The following FAT1 variants were observed in gnomAD, a reference collection of about 807,000 sequenced individuals.
FAT1 encodes FAT atypical cadherin 1.
In FAT1, 171 loss-of-function variants were observed where a neutral mutation model predicts 329.8. That is an observed-to-expected ratio of 0.52 (90% CI 0.46 to 0.59). The LOEUF is 0.59. FAT1 is among the 20% of genes least tolerant of loss of function. The pLI is 0.00. For synonymous variants in FAT1, 2,233 were observed against 2,228.6 expected (o/e 1.00, Z -0.06); for missense variants, 5,672 against 5,774.4 (o/e 0.98, Z 0.57).
chr4:186,603,077 C>T (rs1459939427), intron 19 of FAT1, 43 bp from the exon 20 acceptor site: 3 of 1,612,744 alleles, frequency 1.9e-6, no homozygotes, highest in Admixed American at 3.3e-5. Context: ...AATTAACAGA[C>T]ATTTCAAGAA....
chr4:186,631,189 A>G (rs556513728), intron 7 of FAT1, among the ~76,000 whole-genome samples: 6 of 152,126 alleles, frequency 3.9e-5, no homozygotes, highest in African/African-American at 1.4e-4. Context: ...CCAAGCCCCA[A>G]TCCATCCCCG....
chr4:186,714,715 C>A (rs1335727099), intron 1 of FAT1, among the ~76,000 whole-genome samples: 1 of 152,184 alleles, frequency 6.6e-6, no homozygotes, highest in Non-Finnish European at 1.5e-5. Context: ...TGATAAGAAA[C>A]AGTGAGTAAA....
intron 2 of FAT1, among the ~76,000 whole-genome samples, chr4:186,674,786 C>T (rs1320730445): frequency 6.6e-6 from 1 of 152,202 alleles, no homozygotes; most frequent in Non-Finnish European, 1.5e-5. Flanking sequence ...GTAATCCCAA[C>T]ACTTTGGAAG....
At chr4:186,653,687 GA>G (rs1341773489) in intron 3 of FAT1, among the ~76,000 whole-genome samples, 2 of 152,110 alleles carry the variant, frequency 1.3e-5, no homozygotes, top group Non-Finnish European at 2.9e-5. Context: ...GAAAAGGGCA[GA>G]AAATTCAAAT....
chr4:186,691,267 C>T (rs980705675), intron 2 of FAT1, among the ~76,000 whole-genome samples: 1 of 152,120 alleles, frequency 6.6e-6, no homozygotes, highest in South Asian at 2.1e-4. Flanking sequence ...CAGAGTACAC[C>T]GTGCTGATTA....
At chr4:186,704,329 C>T (rs1398305389) in intron 2 of FAT1, among the ~76,000 whole-genome samples, 1 of 152,142 alleles carries the variant, frequency 6.6e-6, no homozygotes, top group Non-Finnish European at 1.5e-5. Context: ...GACACCACCT[C>T]GTTTGGCTGG....
chr4:186,717,952 A>C (rs1332966193), intron 1 of FAT1, among the ~76,000 whole-genome samples: 1 of 152,138 alleles, frequency 6.6e-6, no homozygotes, highest in Non-Finnish European at 1.5e-5. Context: ...CATCTCATCT[A>C]ATGTATTTTT....
At chr4:186,668,385 G>A (rs887282536) in intron 2 of FAT1, among the ~76,000 whole-genome samples, 3 of 152,080 alleles carry the variant, frequency 2.0e-5, no homozygotes, top group African/African-American at 4.8e-5. Context: ...GCTAGCCTTC[G>A]CCATCTCAAA....
At chr4:186,606,251 C>CA in intron 16 of FAT1, 38 bp from the exon 17 acceptor site, 8 of 1,607,850 alleles carry the variant, frequency 5.0e-6, no homozygotes, top group Non-Finnish European at 6.8e-6. Context: ...TTCATTTTCA[C>CA]AAGGCCGACA....
intron 2 of FAT1, among the ~76,000 whole-genome samples, chr4:186,687,790 A>T (rs922980910): frequency 1.3e-5 from 2 of 152,230 alleles, no homozygotes; most frequent in Admixed American, 1.3e-4. Context: ...CTTTAAGAAT[A>T]CCTACCAACC....
At chr4:186,651,095 T>C (rs895185576) in intron 3 of FAT1, among the ~76,000 whole-genome samples, 8 of 148,866 alleles carry the variant, frequency 5.4e-5, no homozygotes, top group African/African-American at 1.7e-4. Flanking sequence ...ATTTGATGCT[T>C]CATTATTATT....
chr4:186,667,504 G>A (rs954762533), intron 2 of FAT1, among the ~76,000 whole-genome samples: 4 of 152,174 alleles, frequency 2.6e-5, no homozygotes, highest in African/African-American at 9.7e-5. Context: ...TATCGTGATT[G>A]CTGAGATAAG....
At chr4:186,700,965 C>T (rs1394172295) in intron 2 of FAT1, among the ~76,000 whole-genome samples, 1 of 152,142 alleles carries the variant, frequency 6.6e-6, no homozygotes, top group Non-Finnish European at 1.5e-5. Context: ...GGTCCCGGCC[C>T]CTGCACACTC....
At chr4:186,725,005 G>T (rs1196086714), upstream of FAT1, among the ~76,000 whole-genome samples, 2 of 152,110 alleles carry the variant, frequency 1.3e-5, no homozygotes, top group South Asian at 2.1e-4. This position sits in a 1 kb window ranked among gnomAD's most constrained non-coding sequence, Gnocchi z 5.4. Context: ...AATAATAAAG[G>T]TGTCTAGCAG....
Position 186,589,964 on chromosome 4 carries a change from CTTAAT to C in FAT1, c.13139-749_13139-745del, listed in dbSNP as rs1487423308. Among the ~76,000 whole-genome samples the C allele has an allele frequency of 2.6e-5, 4 of 152,256 alleles. No individual in the cohort carries two copies. The Middle Eastern group carries it at 0.01, about 388-fold the overall frequency. On this transcript the variant is annotated intron_variant, in intron 26 of 26. Coordinates refer to ENST00000441802, the MANE Select transcript of FAT1 (RefSeq NM_005245.4). ...CATTAACCCTCAGACAACAAATTAA[CTTAAT>C]ATAGGTATGTATCAAAGCATGCCAA...
At chr4:186,634,550 C>T (rs1740740602) in intron 6 of FAT1, among the ~76,000 whole-genome samples, 1 of 151,838 alleles carries the variant, frequency 6.6e-6, no homozygotes, top group Non-Finnish European at 1.5e-5. Context: ...AACCACGGAG[C>T]TAGGTGAGCA....
chr4:186,628,993 A>G (rs1363145794), intron 7 of FAT1, among the ~76,000 whole-genome samples: 3 of 152,214 alleles, frequency 2.0e-5, no homozygotes, highest in Non-Finnish European at 2.9e-5. Context: ...TCTTATAACT[A>G]ACTCTGGGAC....
chr4:186,649,335 A>G (rs765067994), intron 3 of FAT1, among the ~76,000 whole-genome samples: 5 of 152,206 alleles, frequency 3.3e-5, no homozygotes, highest in Non-Finnish European at 5.9e-5. Context: ...ATTGAACAGC[A>G]TATTTTCCGT....
At chr4:186,634,986 T>C (rs1740761435) in intron 6 of FAT1, among the ~76,000 whole-genome samples, 1 of 152,240 alleles carries the variant, frequency 6.6e-6, no homozygotes, top group Non-Finnish European at 1.5e-5. Flanking sequence ...TTGAGCATCG[T>C]TAACTACGAA....
Sources: gnomAD v4.1 joint callset for allele counts (sites outside exome capture counted in the v4.1 genomes callset) on GRCh38, gnomAD v4.1.1 for gene constraint, Gnocchi (gnomAD v3.1) non-coding constraint, MANE v1.5 for transcripts, NCBI Gene and HGNC (gene_info 2026-07-23, HGNC 2026-07-21) for gene names.